Variants in PPP1R9A observed in about 807,000 individuals in gnomAD.
PPP1R9A encodes the protein protein phosphatase 1 regulatory subunit 9A.
PPP1R9A carries 59 observed loss-of-function variants against 141.9 expected under a neutral mutation model. The observed-to-expected ratio is 0.42, with a 90% CI of 0.34 to 0.52. PPP1R9A has a LOEUF of 0.52. Ranked by LOEUF, PPP1R9A falls within the 20% of genes least tolerant of loss-of-function variation. PPP1R9A has a pLI of 0.10. For missense variants in PPP1R9A, 1,444 were observed against 1,611.9 expected, an observed-to-expected ratio of 0.90 and a Z score of 1.78; for synonymous variants, 500 against 569.7, an observed-to-expected ratio of 0.88 and a Z score of 1.74.
chr7:95,231,241 G>A (rs137988915), intron 8 of PPP1R9A, among the ~76,000 whole-genome samples: 2,569 of 151,978 alleles, frequency 0.017, 58 homozygotes, highest in African/African-American at 0.058. Context: ...CTGGAGCTCC[G>A]AAATTTATTA....
intron 2 of PPP1R9A, among the ~76,000 whole-genome samples, chr7:95,069,685 A>G (rs544792744): frequency 1.2e-4 from 18 of 152,208 alleles, no homozygotes; most frequent in African/African-American, 4.1e-4. Context: ...CTCCACCTAT[A>G]TGCTGTGTTT....
At chr7:95,067,158 T>C (rs1294488742) in intron 2 of PPP1R9A, among the ~76,000 whole-genome samples, 2 of 152,236 alleles carry the variant, frequency 1.3e-5, no homozygotes, top group Non-Finnish European at 2.9e-5. Context: ...ATATGTTTTG[T>C]CTGCTGTTTC....
intron 2 of PPP1R9A, among the ~76,000 whole-genome samples, chr7:94,954,770 AG>A (rs1241334222): frequency 6.7e-6 from 1 of 149,930 alleles, no homozygotes; most frequent in Non-Finnish European, 1.5e-5. Flanking sequence ...CTCCACTAGC[AG>A]GGAGCTTAGT....
rs763989578 is a variant in PPP1R9A, at chr7:95,290,582, G to A, written c.*279G>A. On this transcript the variant is annotated 3_prime_UTR_variant, in exon 20 of 20. Coordinates refer to ENST00000433360, the MANE Select transcript of PPP1R9A (RefSeq NM_001166160.2). ...CTCTTCTCTAACTTACCAACATCTT[G>A]TGTTGTGTTGGGTGTGTTTTGTCAC... 6.8e-5 allele frequency: 25 copies of A among 368,000 alleles called. No individual in the cohort carries two copies. Among genetic ancestry groups the A allele is most frequent in the South Asian group, 1.6e-4 (5 of 31,064 alleles). 22.8% of individuals were successfully genotyped at this position (368,000 alleles called of 1,614,324 possible). A position where few individuals can be genotyped will look rare whatever the true frequency, so the allele number is the denominator to read the frequency against.
At chr7:95,118,338 T>TATATAAACTTA (rs1821882616) in intron 3 of PPP1R9A, among the ~76,000 whole-genome samples, 2 of 152,222 alleles carry the variant, frequency 1.3e-5, no homozygotes, top group Admixed American at 6.5e-5. Context: ...AAATCACATG[T>TATATAAACTTA]ATATAAACTT....
At chr7:95,122,508 G>A (rs1822821972) in intron 4 of PPP1R9A, among the ~76,000 whole-genome samples, 1 of 152,096 alleles carries the variant, frequency 6.6e-6, no homozygotes, top group Non-Finnish European at 1.5e-5. Context: ...CTCAAAGAGA[G>A]CTAAATTGAT....
intron 2 of PPP1R9A, among the ~76,000 whole-genome samples, chr7:94,964,526 C>T (rs550928289): frequency 6.6e-6 from 1 of 152,082 alleles, no homozygotes; most frequent in African/African-American, 2.4e-5. Context: ...TGATGTTCCC[C>T]TCCCTGTGTC....
chr7:94,981,247 T>A (rs1019934782), intron 2 of PPP1R9A, among the ~76,000 whole-genome samples: 14 of 152,160 alleles, frequency 9.2e-5, no homozygotes, highest in African/African-American at 2.2e-4. Flanking sequence ...TTATTTATTT[T>A]TTTTGAGACA....
At chr7:94,937,307 G>T (rs1794876619) in intron 2 of PPP1R9A, among the ~76,000 whole-genome samples, 1 of 152,082 alleles carries the variant, frequency 6.6e-6, no homozygotes, top group African/African-American at 2.4e-5. Flanking sequence ...GTATGAGGCT[G>T]TTCCCTTCAC....
At chr7:95,154,086 A>G (rs1398723013) in intron 4 of PPP1R9A, among the ~76,000 whole-genome samples, 1 of 149,270 alleles carries the variant, frequency 6.7e-6, no homozygotes, top group Non-Finnish European at 1.5e-5. Flanking sequence ...TTTTTATTAT[A>G]TGTTTCCTTC....
At chr7:95,082,764 TTC>T (rs775231647) in intron 2 of PPP1R9A, among the ~76,000 whole-genome samples, 22 of 92,582 alleles carry the variant, frequency 2.4e-4, no homozygotes, top group African/African-American at 5.8e-4. Context: ...TGGAAGGGAT[TTC>T]TTTTTTTTTT....
intron 2 of PPP1R9A, among the ~76,000 whole-genome samples, chr7:95,012,974 T>A (rs1342282343): frequency 5.3e-5 from 8 of 151,900 alleles, no homozygotes; most frequent in Non-Finnish European, 7.4e-5. Context: ...GCCCCTTCCA[T>A]TTTTTTTGTA....
At chr7:95,084,578 A>G (rs1016340692) in intron 2 of PPP1R9A, among the ~76,000 whole-genome samples, 2 of 151,968 alleles carry the variant, frequency 1.3e-5, no homozygotes, top group Non-Finnish European at 2.9e-5. Flanking sequence ...ATCGTTTTGT[A>G]GCCCTTCCCA....
intron 12 of PPP1R9A, among the ~76,000 whole-genome samples, chr7:95,258,929 A>ATG (rs374633631): frequency 5.9e-5 from 9 of 152,320 alleles, no homozygotes; most frequent in African/African-American, 2.2e-4. Flanking sequence ...ATTTACTTCG[A>ATG]TGTGTATATA....
chr7:95,049,667 C>A (rs1355318458), intron 2 of PPP1R9A, among the ~76,000 whole-genome samples: 1 of 151,890 alleles, frequency 6.6e-6, no homozygotes, highest in Non-Finnish European at 1.5e-5. Context: ...CCTTAAAAAT[C>A]CACTGTGCTC....
chr7:95,203,744 T>C lies in PPP1R9A; in HGVS notation c.1956+14T>C. On this transcript the variant is annotated intron_variant, in intron 7 of 19. Coordinates refer to ENST00000433360, the MANE Select transcript of PPP1R9A (RefSeq NM_001166160.2). ...TATTTTCTTAAGGTTTGTTTTTTGG[T>C]TTAAAGTAATGCTTACCTGTACTTT... 1.3e-6 allele frequency: 2 copies of C among 1,514,098 alleles called. No homozygotes were observed. The highest frequency in any genetic ancestry group is 1.8e-6 in the Non-Finnish European group (2 of 1,126,632). The allele number at this position is 1,514,098 out of a possible 1,614,324, so 93.8% of individuals were successfully genotyped here. A position where few individuals can be genotyped will look rare whatever the true frequency, so the allele number is the denominator to read the frequency against.
intron 6 of PPP1R9A, among the ~76,000 whole-genome samples, chr7:95,200,592 T>C (rs569555148): frequency 6.6e-6 from 1 of 152,204 alleles, no homozygotes; most frequent in African/African-American, 2.4e-5. Flanking sequence ...GATTTTTCTT[T>C]AACTTGATAA....
chr7:95,203,653 C>T lies in PPP1R9A; in HGVS notation c.1891-12C>T. 1.3e-6 allele frequency: 2 copies of T among 1,533,234 alleles called. No individual in the cohort carries two copies. The highest frequency in any genetic ancestry group is 1.2e-5 in the South Asian group (1 of 83,568). The allele number at this position is 1,533,234 out of a possible 1,614,324, so 95.0% of individuals were successfully genotyped here. On this transcript the variant is annotated splice_polypyrimidine_tract_variant and intron_variant, in intron 6 of 19. Coordinates refer to ENST00000433360, the MANE Select transcript of PPP1R9A (RefSeq NM_001166160.2). ...TTAAGCCTTCTTTAATATTTTTTGTCAACCATTTTAGAACACTGTGGCTGA... is the reference window on the plus strand; with the variant it reads ...TTAAGCCTTCTTTAATATTTTTTGTTAACCATTTTAGAACACTGTGGCTGA...
At chr7:95,256,373 A>G (rs1799587195) in intron 12 of PPP1R9A, among the ~76,000 whole-genome samples, 1 of 152,172 alleles carries the variant, frequency 6.6e-6, no homozygotes, top group African/African-American at 2.4e-5. Flanking sequence ...AAAAATACAT[A>G]TAATTATTTC....
Sources: allele counts gnomAD v4.1 joint callset (sites outside exome capture counted in the v4.1 genomes callset), GRCh38; gene constraint gnomAD v4.1.1; transcripts MANE v1.5; gene names NCBI Gene and HGNC (gene_info 2026-07-23, HGNC 2026-07-21).